Variants in HAVCR1 observed in about 807,000 individuals in gnomAD.
HAVCR1 encodes the protein hepatitis A virus cellular receptor 1.
A neutral mutation model predicts 32.0 loss-of-function variants in HAVCR1; 34 were observed. The ratio of observed to expected loss-of-function variants is 1.06; its 90% confidence interval spans 0.81 to 1.42. The LOEUF is 1.42. HAVCR1 is among the 40% of genes most tolerant of loss of function. The pLI is 0.00. For missense variants in HAVCR1, 420 were observed against 442.3 expected (o/e 0.95, Z 0.45); for synonymous variants, 178 against 170.3 (o/e 1.05, Z -0.35).
At chr5:157,059,225 A>T (rs562814402), upstream of HAVCR1, 1 of 152,430 alleles carries the variant, frequency 6.6e-6, no homozygotes, top group South Asian at 2.1e-4. Context: ...CCATACAAAC[A>T]TGAGTAAGCT....
rs547405998 is a variant in HAVCR1 at position 157,031,561 on chromosome 5, C to A, written c.986+1293G>T. ...ACCTGGGGCCAGGTGCGGTCCCTCA[C>A]GCCTATAATCCCAGCACTTTGGGAG... On this transcript the variant is annotated intron_variant, in intron 8 of 8. Coordinates refer to ENST00000523175, the MANE Select transcript of HAVCR1 (RefSeq NM_001173393.3). 3.3e-5 allele frequency among the ~76,000 whole-genome samples: 5 copies of A among 152,198 alleles called. No individual in the cohort carries two copies. In the South Asian group the frequency reaches 1.0e-3, roughly 32 times the overall value.
chr5:157,043,128 T>C (rs1249823629), intron 5 of HAVCR1, among the ~76,000 whole-genome samples: 2 of 134,660 alleles, frequency 1.5e-5, no homozygotes, highest in Non-Finnish European at 3.3e-5. Context: ...ATCATATTGG[T>C]TTTATATTCA....
chr5:157,045,458 C>T (rs1245699299), intron 5 of HAVCR1, among the ~76,000 whole-genome samples: 1 of 152,052 alleles, frequency 6.6e-6, no homozygotes, highest in East Asian at 1.9e-4. Flanking sequence ...GGGATAGATA[C>T]TATGCAATGC....
chr5:157,066,352 A>T, the HAVCR1 span, among the ~76,000 whole-genome samples: 1 of 152,048 alleles, frequency 6.6e-6, no homozygotes, highest in Non-Finnish European at 1.5e-5. Context: ...AGGAGTTTGC[A>T]TGGAGAAAAG....
At chr5:157,044,558 GGAGA>G (rs1427946218) in intron 5 of HAVCR1, among the ~76,000 whole-genome samples, 1 of 136,582 alleles carries the variant, frequency 7.3e-6, no homozygotes, top group African/African-American at 2.9e-5. Flanking sequence ...AAGGAAGGAA[GGAGA>G]GAGAAAGAAA....
intron 6 of HAVCR1, among the ~76,000 whole-genome samples, chr5:157,039,805 A>G (rs1030869987): frequency 1.3e-5 from 2 of 152,182 alleles, no homozygotes; most frequent in African/African-American, 4.8e-5. Context: ...TTTTTTCCTT[A>G]AGATAGAGCC....
At chr5:157,057,390 A>G (rs567717638) in intron 2 of HAVCR1, among the ~76,000 whole-genome samples, 340 of 4,590 alleles carry the variant, frequency 0.074, 4 homozygotes, top group African/African-American at 0.18. Context: ...GAGAGAGGAA[A>G]GAAAGAAAGA....
In HAVCR1 at chr5:157,052,401, A is replaced by G. The variant is rs1755792466; in HGVS notation, c.633T>C (p.Phe211=). 6.2e-7 allele frequency: 1 copy of G among 1,613,904 alleles called. No homozygotes were observed. The highest frequency in any genetic ancestry group is 1.7e-5 in the Admixed American group (1 of 59,978). ...GCCTGGGCAAAGGCATTGGAGGAAC[A>G]AAGGTAGAGACAGTTGTTGTCACTG... ...SVPVTTTVST[F]VPPMPLPRQN... The change falls in exon 4 of 9, where the codon TTT becomes TTC. Residue 211 remains phenylalanine (F), a synonymous_variant. Coordinates refer to ENST00000523175, the MANE Select transcript of HAVCR1 (RefSeq NM_001173393.3).
chr5:157,056,644 T>G (rs1247689010), intron 2 of HAVCR1, among the ~76,000 whole-genome samples: 1 of 151,680 alleles, frequency 6.6e-6, no homozygotes, highest in Non-Finnish European at 1.5e-5. Context: ...CCTCCCAAAG[T>G]GCTGGGATTA....
At chr5:157,055,714 T>C (rs1039980107) in intron 2 of HAVCR1, among the ~76,000 whole-genome samples, 181 bp from the exon 3 acceptor site, 8 of 151,104 alleles carry the variant, frequency 5.3e-5, no homozygotes, top group African/African-American at 1.9e-4. Context: ...AAAAAAAAAA[T>C]TACAAAAATT....
chr5:157,063,854 G>A (rs1756545354), upstream of HAVCR1, among the ~76,000 whole-genome samples: 1 of 152,248 alleles, frequency 6.6e-6, no homozygotes, highest in Admixed American at 6.5e-5. Context: ...AGTTAGCCAA[G>A]ACAGCAAACG....
chr5:157,047,357 G>C (rs1171949618), intron 5 of HAVCR1, among the ~76,000 whole-genome samples: 1 of 152,122 alleles, frequency 6.6e-6, no homozygotes, highest in African/African-American at 2.4e-5. Flanking sequence ...TTCAAGACCA[G>C]CCTGGACAAC....
At position 157,052,557 on chromosome 5, in the gene HAVCR1, CG is replaced by C; in HGVS notation, c.476del (p.Thr159ArgfsTer12). The C allele has an allele frequency of 6.9e-6, 5 of 723,490 alleles. No homozygotes were observed. Among genetic ancestry groups the C allele is most frequent in the Non-Finnish European group, 9.8e-6 (5 of 510,856 alleles). The allele number at this position is 723,490 out of a possible 1,614,324, so 44.8% of individuals were successfully genotyped here. ...TVPTTTTVPM[T>X]TVPTTTVPTT... ...TTGGAACAGTTGTCGTTGGAACAGT[CG>C]TCATTGGAACAGTCGTTGTCGTTGG... On this transcript the variant is annotated frameshift_variant, in exon 4 of 9. Transcript: ENST00000523175. LOFTEE classifies it high-confidence loss of function.
chr5:157,044,328 A>T (rs1449916425), intron 5 of HAVCR1, among the ~76,000 whole-genome samples: 2 of 147,376 alleles, frequency 1.4e-5, no homozygotes, highest in Non-Finnish European at 3.0e-5. Context: ...TGAGACTGAG[A>T]AAGAAGGAAG....
chr5:157,056,143 T>C (rs1561604466), intron 2 of HAVCR1, among the ~76,000 whole-genome samples: 2 of 150,554 alleles, frequency 1.3e-5, no homozygotes. Flanking sequence ...AGAGACAGGC[T>C]AGTCTTGAAC....
intron 5 of HAVCR1, among the ~76,000 whole-genome samples, chr5:157,044,603 GAA>G (rs1202031994): frequency 0.012 from 947 of 77,304 alleles, 73 homozygotes; most frequent in African/African-American, 0.062. Flanking sequence ...AAGAAAGAAA[GAA>G]AGAAAGAAAG....
At position 157,055,441 on chromosome 5, in the gene HAVCR1, A is replaced by G. The variant is rs368474218; in HGVS notation, c.139T>C (p.Trp47Arg). The change falls in exon 3 of 9, where the codon TGG becomes CGG. Residue 47 changes from tryptophan to arginine, a missense_variant. Trp to Arg is a moderately radical substitution (Grantham distance 101). Transcript: ENST00000523175. ...AATAGAGAACATGAGCCTCTATTCC[A>G]GCACATGGATGTGACAGCTCCACTG... is the stretch of plus-strand genomic sequence containing the variant. ...HYSGAVTSMC[W>R]NRGSCSLFTC... is the part of the protein sequence containing the mutation. 2.6e-5 allele frequency: 42 copies of G among 1,610,796 alleles called. No individual in the cohort carries two copies. The African/African-American group carries it at 5.3e-4, about 20-fold the overall frequency.
chr5:157,032,771 G>A (rs1561578294), intron 8 of HAVCR1, 83 bp downstream of exon 8: 3 of 854,264 alleles, frequency 3.5e-6, no homozygotes, highest in Non-Finnish European at 4.0e-6. Flanking sequence ...GCGATGGAGA[G>A]TTTAGGAGAG....
chr5:157,064,347 A>AG, the HAVCR1 span, among the ~76,000 whole-genome samples: 2 of 134,944 alleles, frequency 1.5e-5, no homozygotes, highest in East Asian at 2.6e-4. Context: ...TACAAAAAAA[A>AG]AAAAAAAAGA....
Sources: allele counts gnomAD v4.1 joint callset (sites outside exome capture counted in the v4.1 genomes callset), GRCh38; gene constraint gnomAD v4.1.1; transcripts MANE v1.5; gene names NCBI Gene and HGNC (gene_info 2026-07-23, HGNC 2026-07-21).